APLF: variants seen among roughly 807,000 people sequenced by gnomAD.
APLF encodes aprataxin and PNKP like factor.
APLF carries 61 observed loss-of-function variants against 55.6 expected under a neutral mutation model. The ratio of observed to expected loss-of-function variants is 1.10; its 90% confidence interval spans 0.89 to 1.36. The LOEUF is 1.36. APLF is among the 40% of genes most tolerant of loss of function. APLF has a pLI of 0.00. For missense variants in APLF, 611 were observed against 602.5 expected (o/e 1.01, Z -0.15); for synonymous variants, 207 against 214.8 (o/e 0.96, Z 0.32).
chr2:68,545,642 T>G (rs1670683877), intron 8 of APLF, among the ~76,000 whole-genome samples: 1 of 152,334 alleles, frequency 6.6e-6, no homozygotes, highest in East Asian at 1.9e-4. Flanking sequence ...TAAATCTATT[T>G]GGGATGTTAT....
chr2:68,506,962 A>G lies in APLF; in HGVS notation c.341+4059A>G, dbSNP rs558455162. ...TGGATGCATATATACAAATAATGAA[A>G]GTATAAAGACATGCATAGGAATAAT... On this transcript the variant is annotated intron_variant, in intron 3 of 9. Transcript: ENST00000303795. Among the ~76,000 whole-genome samples the G allele has an allele frequency of 3.8e-4, 58 of 152,120 alleles. 1 individual carries two copies. The South Asian group carries it at 0.012, about 32-fold the overall frequency.
intron 8 of APLF, among the ~76,000 whole-genome samples, chr2:68,565,499 A>G (rs145817151): frequency 3.8e-4 from 54 of 143,210 alleles, no homozygotes; most frequent in African/African-American, 1.4e-3. Context: ...AGTTAGATAG[A>G]CAGATAGACA....
intron 5 of APLF, among the ~76,000 whole-genome samples, chr2:68,514,216 A>G (rs1002297952): frequency 1.3e-5 from 2 of 151,696 alleles, no homozygotes; most frequent in African/African-American, 4.8e-5. Flanking sequence ...GTATTTTTCT[A>G]TAAGTCTTTG....
chr2:68,496,546 C>T (rs1163805389), intron 2 of APLF, among the ~76,000 whole-genome samples: 1 of 152,188 alleles, frequency 6.6e-6, no homozygotes, highest in African/African-American at 2.4e-5. Context: ...ACTCTGCTTC[C>T]TATTTGAATA....
At chr2:68,566,289 C>T (rs112238024) in intron 8 of APLF, among the ~76,000 whole-genome samples, 2,095 of 152,080 alleles carry the variant, frequency 0.014, 41 homozygotes, top group African/African-American at 0.046. Flanking sequence ...TTCCTGTGCC[C>T]TAAAAGATAT....
intron 6 of APLF, among the ~76,000 whole-genome samples, chr2:68,526,757 G>A (rs570644053): frequency 4.6e-5 from 7 of 152,012 alleles, no homozygotes; most frequent in South Asian, 4.1e-4. Context: ...GTGCGATCTC[G>A]GCTCACTGCA....
intron 2 of APLF, among the ~76,000 whole-genome samples, chr2:68,494,122 A>G (rs1329977616): frequency 6.6e-6 from 1 of 150,920 alleles, no homozygotes; most frequent in Non-Finnish European, 1.5e-5. Flanking sequence ...GAGAAAAAAA[A>G]AAAATTAGCC....
intron 8 of APLF, among the ~76,000 whole-genome samples, chr2:68,546,320 G>A (rs1315225714): frequency 3.3e-5 from 5 of 151,878 alleles, no homozygotes; most frequent in Admixed American, 6.6e-5. Context: ...TGGTTTTAAT[G>A]GCAGGTTCTA....
chr2:68,518,545 T>A (rs1379094082), intron 5 of APLF, among the ~76,000 whole-genome samples: 1 of 119,244 alleles, frequency 8.4e-6, no homozygotes, highest in Non-Finnish European at 1.6e-5. Context: ...TATATAATAA[T>A]ATATCAATAA....
intron 7 of APLF, among the ~76,000 whole-genome samples, chr2:68,539,340 G>A (rs1228495591): frequency 6.6e-6 from 1 of 152,210 alleles, no homozygotes. Flanking sequence ...GAGGCTGGAA[G>A]CCCTAGATCA....
chr2:68,544,292 A>G (rs1189871250), intron 7 of APLF, among the ~76,000 whole-genome samples: 1 of 152,028 alleles, frequency 6.6e-6, no homozygotes, highest in Non-Finnish European at 1.5e-5. Flanking sequence ...AAGTATTTTC[A>G]TAATAATATT....
At chr2:68,498,128 G>C (rs1378119766) in intron 2 of APLF, among the ~76,000 whole-genome samples, 1 of 152,140 alleles carries the variant, frequency 6.6e-6, no homozygotes, top group African/African-American at 2.4e-5. Flanking sequence ...GAATGAGATG[G>C]ACAAGTGACT....
chr2:68,512,830 A>G (rs911340642), intron 3 of APLF, among the ~76,000 whole-genome samples: 6 of 151,778 alleles, frequency 4.0e-5, no homozygotes, highest in African/African-American at 1.4e-4. Flanking sequence ...CTTGACAGAA[A>G]TGGCTGCCAC....
intron 1 of APLF, among the ~76,000 whole-genome samples, chr2:68,480,424 C>T (rs998238839): frequency 2.6e-5 from 4 of 151,990 alleles, no homozygotes; most frequent in African/African-American, 9.7e-5. Context: ...CTGCCTCAGC[C>T]TCCCGAGTAG....
intron 5 of APLF, among the ~76,000 whole-genome samples, chr2:68,518,272 A>T (rs1669707643): frequency 8.6e-6 from 1 of 116,940 alleles, no homozygotes; most frequent in Non-Finnish European, 1.6e-5. Flanking sequence ...TAGATAATAT[A>T]TCAGTATATA....
rs371714695 is a variant in APLF at position 68,521,124 on chromosome 2, T to A, written c.623-4937T>A. Among the ~76,000 whole-genome samples the A allele has an allele frequency of 2.6e-4, 40 of 152,152 alleles. 1 individual carries two copies. Among genetic ancestry groups the A allele is most frequent in the African/African-American group, 9.4e-4 (39 of 41,546 alleles). ...TATTGTAAAGGGTTGAGTTCTTGAT[T>A]TGATTCTCAGCTTGGTAACTGTTGG... On this transcript the variant is annotated intron_variant, in intron 5 of 9. Transcript: ENST00000303795.
chr2:68,482,124 G>T (rs1182915530), intron 1 of APLF, among the ~76,000 whole-genome samples: 3 of 150,744 alleles, frequency 2.0e-5, no homozygotes, highest in Non-Finnish European at 4.4e-5. Flanking sequence ...TGCTATTGGA[G>T]AATTAATGTG....
At chr2:68,498,458 A>G (rs1347855034) in intron 2 of APLF, among the ~76,000 whole-genome samples, 2 of 152,226 alleles carry the variant, frequency 1.3e-5, no homozygotes, top group South Asian at 2.1e-4. Flanking sequence ...GTTGAATGCA[A>G]TTAGGGCAAT....
chr2:68,552,185 A>T (rs866586937), intron 8 of APLF, among the ~76,000 whole-genome samples: 17 of 152,142 alleles, frequency 1.1e-4, no homozygotes, highest in Middle Eastern at 3.4e-3. Flanking sequence ...CTCCAGTGGG[A>T]CTTTGTCTCT....
Sources: gnomAD v4.1 joint callset for allele counts (sites outside exome capture counted in the v4.1 genomes callset) on GRCh38, gnomAD v4.1.1 for gene constraint, MANE v1.5 for transcripts, NCBI Gene and HGNC (gene_info 2026-07-23, HGNC 2026-07-21) for gene names.